The following DGKI variants were observed in gnomAD, a reference collection of about 807,000 sequenced individuals.
DGKI encodes diacylglycerol kinase iota.
In DGKI, 55 loss-of-function variants were observed where a neutral mutation model predicts 147.5. That is an observed-to-expected ratio of 0.37 (90% confidence interval 0.30 to 0.47). The LOEUF is 0.47. Ranked by LOEUF, DGKI falls within the 20% of genes least tolerant of loss-of-function variation. DGKI has a pLI of 1.00. For synonymous variants in DGKI, 469 were observed against 477.1 expected, an observed-to-expected ratio of 0.98 and a Z score of 0.22; for missense variants, 1,007 against 1,323.8, an observed-to-expected ratio of 0.76 and a Z score of 3.71.
chr7:137,512,970 C>T (rs917633369), intron 21 of DGKI, among the ~76,000 whole-genome samples: 1 of 152,112 alleles, frequency 6.6e-6, no homozygotes, highest in African/African-American at 2.4e-5. Context: ...GCAAGTCAGG[C>T]TCTATGTGCT....
chr7:137,681,012 G>A (rs940607100), intron 2 of DGKI, among the ~76,000 whole-genome samples: 42 of 152,146 alleles, frequency 2.8e-4, no homozygotes, highest in Admixed American at 7.2e-4. Flanking sequence ...CCAAGTCCTG[G>A]ACCACAGAAG....
At chr7:137,414,906 C>T (rs1812300730) in intron 28 of DGKI, among the ~76,000 whole-genome samples, 1 of 152,104 alleles carries the variant, frequency 6.6e-6, no homozygotes, top group Non-Finnish European at 1.5e-5. Flanking sequence ...GCACTGCTCA[C>T]CTCTCGGTAG....
intron 1 of DGKI, among the ~76,000 whole-genome samples, chr7:137,745,757 A>C (rs13235392): frequency 0.27 from 40,443 of 152,050 alleles, 5,587 homozygotes; most frequent in Middle Eastern, 0.36. Context: ...TGAATAGATG[A>C]GAGTTCTCAG....
chr7:137,707,477 T>C (rs1332102481), intron 1 of DGKI, among the ~76,000 whole-genome samples: 1 of 152,144 alleles, frequency 6.6e-6, no homozygotes, highest in Non-Finnish European at 1.5e-5. Flanking sequence ...TAATTCCCAA[T>C]GTTGGAGGTG....
At chr7:137,484,342 T>C (rs1339727356) in intron 23 of DGKI, among the ~76,000 whole-genome samples, 5 of 152,042 alleles carry the variant, frequency 3.3e-5, no homozygotes, top group African/African-American at 1.2e-4. Flanking sequence ...CATGGGAAAA[T>C]AGACACAAAA....
intron 29 of DGKI, among the ~76,000 whole-genome samples, chr7:137,409,060 T>C (rs1585085625): frequency 6.6e-6 from 1 of 152,172 alleles, no homozygotes. Flanking sequence ...AGGATGACTA[T>C]AGTTAATAAT....
At chr7:137,588,475 C>CTTGTTTTTTTTTTTT (rs1554437480) in intron 12 of DGKI, among the ~76,000 whole-genome samples, 1 of 116,722 alleles carries the variant, frequency 8.6e-6, no homozygotes, top group Admixed American at 8.6e-5. Flanking sequence ...CATACCGATG[C>CTTGTTTTTTTTTTTT]TTTTTTTTTT....
At chr7:137,394,611 G>A (rs1562992028) in intron 32 of DGKI, among the ~76,000 whole-genome samples, 1 of 152,090 alleles carries the variant, frequency 6.6e-6, no homozygotes, top group Non-Finnish European at 1.5e-5. Flanking sequence ...TTCCCCTAAG[G>A]CCTCACCTCC....
At chr7:137,607,664 T>G (rs189208794) in intron 10 of DGKI, among the ~76,000 whole-genome samples, 1 of 152,308 alleles carries the variant, frequency 6.6e-6, no homozygotes, top group East Asian at 1.9e-4. Context: ...TACATTTCCA[T>G]GTTTCAGGGT....
At chr7:137,582,571 AG>A (rs938359206) in intron 14 of DGKI, among the ~76,000 whole-genome samples, 1 of 152,050 alleles carries the variant, frequency 6.6e-6, no homozygotes, top group African/African-American at 2.4e-5. Context: ...CTATTATTCA[AG>A]TTCTCATTTA....
At chr7:137,456,203 A>T (rs558972482) in intron 27 of DGKI, among the ~76,000 whole-genome samples, 3 of 152,260 alleles carry the variant, frequency 2.0e-5, no homozygotes, top group African/African-American at 4.8e-5. Flanking sequence ...TCAGGCATTC[A>T]GGTGTGTCTT....
rs574708194 is a variant in DGKI, at chr7:137,557,230, A to C, written c.1948-4662T>G. Reference sequence around the variant, plus strand: ...TTGGAGAATCTTGACTAATATACTTATAAAAATGATTCAATAATTAATTTT... The same window carrying C: ...TTGGAGAATCTTGACTAATATACTTCTAAAAATGATTCAATAATTAATTTT... On this transcript the variant is annotated intron_variant, in intron 19 of 32. Coordinates refer to ENST00000614521, the MANE Select transcript of DGKI (RefSeq NM_001321708.2). 6.6e-5 allele frequency among the ~76,000 whole-genome samples: 10 copies of C among 152,322 alleles called. No homozygotes were observed. In the South Asian group the frequency reaches 2.1e-3, roughly 32 times the overall value.
At chr7:137,394,156 C>T (rs1811462814) in intron 32 of DGKI, among the ~76,000 whole-genome samples, 1 of 152,112 alleles carries the variant, frequency 6.6e-6, no homozygotes, top group Non-Finnish European at 1.5e-5. Flanking sequence ...ACTCTCAGAG[C>T]TTATCAGAAT....
chr7:137,512,134 T>C (rs898799765), intron 21 of DGKI, among the ~76,000 whole-genome samples: 4 of 152,180 alleles, frequency 2.6e-5, no homozygotes, highest in Non-Finnish European at 5.9e-5. Context: ...GACCGCAAAT[T>C]CTTTTAAATT....
At chr7:137,819,429 T>A (rs1797831396) in intron 1 of DGKI, among the ~76,000 whole-genome samples, 1 of 151,582 alleles carries the variant, frequency 6.6e-6, no homozygotes, top group Non-Finnish European at 1.5e-5. Context: ...TCCTGCCTCA[T>A]CCTCCTGAGT....
intron 3 of DGKI, among the ~76,000 whole-genome samples, chr7:137,660,831 G>A (rs574411456): frequency 6.6e-6 from 1 of 152,082 alleles, no homozygotes; most frequent in East Asian, 1.9e-4. Context: ...ATGAAAAAGA[G>A]GGAAGGGGAA....
intron 27 of DGKI, among the ~76,000 whole-genome samples, chr7:137,446,818 T>C (rs529370390): frequency 1.1e-4 from 16 of 152,292 alleles, no homozygotes; most frequent in African/African-American, 2.6e-4. Flanking sequence ...AAGTAGTTAT[T>C]TTAACAACAG....
Position 137,484,832 on chromosome 7 carries a change from A to C in DGKI, c.2373+542T>G, listed in dbSNP as rs189098939. Among the ~76,000 whole-genome samples the C allele has an allele frequency of 7.2e-4, 109 of 152,110 alleles. 1 individual carries two copies. Among genetic ancestry groups the C allele is most frequent in the Non-Finnish European group, 1.3e-3 (87 of 67,944 alleles). ...TGAACCACTCAGATTACATTTTAAA[A>C]CTGTTGCTTGATGGTTGTAGGAAGC... On this transcript the variant is annotated intron_variant, in intron 23 of 32. Coordinates refer to ENST00000614521, the MANE Select transcript of DGKI (RefSeq NM_001321708.2).
intron 6 of DGKI, among the ~76,000 whole-genome samples, chr7:137,628,168 TC>T (rs1301672173): frequency 6.6e-6 from 1 of 152,174 alleles, no homozygotes; most frequent in African/African-American, 2.4e-5. Flanking sequence ...TAGCCCCACC[TC>T]GCTACTAAGT....
Sources: gnomAD v4.1 joint callset for allele counts (sites outside exome capture counted in the v4.1 genomes callset) on GRCh38, gnomAD v4.1.1 for gene constraint, MANE v1.5 for transcripts, NCBI Gene and HGNC (gene_info 2026-07-23, HGNC 2026-07-21) for gene names.